TENM2: variants seen among roughly 807,000 people sequenced by gnomAD.
The protein encoded by TENM2 is teneurin-2.
TENM2 carries 52 observed loss-of-function variants against 245.2 expected under a neutral mutation model. The observed-to-expected ratio is 0.21, with a 90% CI of 0.17 to 0.27. The LOEUF (loss-of-function observed/expected upper bound fraction) is 0.27. Among genes scored for constraint, TENM2 ranks in the 10% least tolerant of loss-of-function variants. The pLI, the probability that TENM2 is intolerant of heterozygous loss-of-function variation, is 1.00. For synonymous variants in TENM2, 1,363 were observed against 1,438.9 expected (o/e 0.95, Z 1.19); for missense variants, 3,046 against 3,666.8 (o/e 0.83, Z 4.37).
rs3138740 is a variant in TENM2 at position 167,568,646 on chromosome 5, GGTGT to G, written c.502+193206_502+193209del. On this transcript the variant is annotated intron_variant, in intron 2 of 28. Transcript: ENST00000518659. Reference sequence around the variant, plus strand: ...TTGTGCACAGACAGGCAGAGACCATGGTGTGTGTGTGTGTGTGTGTGTGTGTGTG... The same window carrying G: ...TTGTGCACAGACAGGCAGAGACCATGGTGTGTGTGTGTGTGTGTGTGTGTG... 7.6e-3 allele frequency among the ~76,000 whole-genome samples: 1,084 copies of G among 142,610 alleles called. 5 individuals are homozygous for G. The highest frequency in any genetic ancestry group is 0.018 in the African/African-American group (709 of 38,942). 93.6% of individuals were successfully genotyped at this position (142,610 alleles called of 152,430 possible).
the TENM2 span, among the ~76,000 whole-genome samples, chr5:167,177,335 A>G: frequency 6.6e-6 from 1 of 152,170 alleles, no homozygotes; most frequent in South Asian, 2.1e-4. Context: ...ATTATATCCA[A>G]AACTTCCTCT....
chr5:167,188,325 A>AG, the TENM2 span, among the ~76,000 whole-genome samples: 2 of 152,204 alleles, frequency 1.3e-5, no homozygotes, highest in Admixed American at 1.3e-4. Context: ...GCTGCTGGAA[A>AG]GGGCTGCATG....
intron 2 of TENM2, among the ~76,000 whole-genome samples, chr5:167,585,230 G>A (rs1775404515): frequency 6.6e-6 from 1 of 152,106 alleles, no homozygotes; most frequent in Admixed American, 6.5e-5. Context: ...ATTTTAGTTG[G>A]AGGAAGATGT....
chr5:167,542,002 A>G (rs1368169172), intron 2 of TENM2, among the ~76,000 whole-genome samples: 1 of 152,140 alleles, frequency 6.6e-6, no homozygotes, highest in Admixed American at 6.6e-5. Flanking sequence ...ATTTTAGTCA[A>G]CGGTCACTCT....
At chr5:167,340,503 CAGAG>C (rs976178841) in intron 1 of TENM2, among the ~76,000 whole-genome samples, 5 of 152,220 alleles carry the variant, frequency 3.3e-5, no homozygotes, top group African/African-American at 9.6e-5. Flanking sequence ...CCTCAGATGA[CAGAG>C]AGAGGTTTGG....
intron 9 of TENM2, among the ~76,000 whole-genome samples, chr5:168,114,643 G>C (rs1035697088): frequency 1.5e-4 from 23 of 152,292 alleles, no homozygotes; most frequent in South Asian, 6.2e-4. Context: ...TCTGCCCCAT[G>C]GCAACTGGAT....
chr5:167,657,366 C>G (rs1406953620), intron 2 of TENM2, among the ~76,000 whole-genome samples: 1 of 152,162 alleles, frequency 6.6e-6, no homozygotes, highest in Admixed American at 6.5e-5. Flanking sequence ...ACCACATTTT[C>G]TTTATCCATT....
At chr5:168,119,186 G>T (rs970615823) in intron 10 of TENM2, among the ~76,000 whole-genome samples, 1 of 152,218 alleles carries the variant, frequency 6.6e-6, no homozygotes, top group Non-Finnish European at 1.5e-5. Context: ...CAGCAAGAGG[G>T]ACGGGATTTG....
intron 8 of TENM2, among the ~76,000 whole-genome samples, chr5:168,095,654 G>T (rs1793304919): frequency 6.6e-6 from 1 of 152,130 alleles, no homozygotes. Flanking sequence ...GACTATATCT[G>T]TCTTTGTCAC....
the TENM2 span, among the ~76,000 whole-genome samples, chr5:167,260,794 A>G: frequency 2.0e-5 from 3 of 152,206 alleles, no homozygotes; most frequent in Non-Finnish European, 4.4e-5. Flanking sequence ...TAAAGGCAAT[A>G]TTAGGATGTG....
the TENM2 span, among the ~76,000 whole-genome samples, chr5:167,004,178 A>G: frequency 1.2e-4 from 19 of 152,326 alleles, no homozygotes; most frequent in African/African-American, 4.3e-4. Flanking sequence ...TGTTGTATTC[A>G]AAGATGATTT....
chr5:167,208,050 G>C, the TENM2 span, among the ~76,000 whole-genome samples: 4 of 152,062 alleles, frequency 2.6e-5, no homozygotes, highest in African/African-American at 9.7e-5. Context: ...CACCACACCC[G>C]GCCTACTGAG....
chr5:167,935,870 G>A (rs575815645), intron 3 of TENM2, among the ~76,000 whole-genome samples: 38 of 151,998 alleles, frequency 2.5e-4, no homozygotes, highest in Non-Finnish European at 4.4e-4. Context: ...CTGTGCCATC[G>A]CATTAAACAA....
chr5:167,705,308 A>G (rs887936625), intron 2 of TENM2, among the ~76,000 whole-genome samples: 3 of 152,226 alleles, frequency 2.0e-5, no homozygotes, highest in African/African-American at 7.2e-5. Flanking sequence ...TGGATGAGCA[A>G]ATATTTAAGG....
intron 2 of TENM2, among the ~76,000 whole-genome samples, chr5:167,472,592 C>T (rs1244462745): frequency 4.6e-5 from 7 of 152,024 alleles, no homozygotes; most frequent in African/African-American, 1.2e-4. Context: ...TTAGAGTGAC[C>T]GGGAAAGAAA....
At chr5:167,393,879 A>G (rs1233125151) in intron 2 of TENM2, among the ~76,000 whole-genome samples, 1 of 152,168 alleles carries the variant, frequency 6.6e-6, no homozygotes, top group African/African-American at 2.4e-5. Flanking sequence ...TTGAAGGTAA[A>G]GGTAGGAGTA....
chr5:167,143,818 C>T, the TENM2 span, among the ~76,000 whole-genome samples: 1 of 152,156 alleles, frequency 6.6e-6, no homozygotes, highest in Non-Finnish European at 1.5e-5. Flanking sequence ...ATTATATCCA[C>T]ATATATATGC....
At chr5:167,505,749 A>C (rs1447847371) in intron 2 of TENM2, among the ~76,000 whole-genome samples, 1 of 152,206 alleles carries the variant, frequency 6.6e-6, no homozygotes, top group Non-Finnish European at 1.5e-5. Flanking sequence ...ACAGGCAGGC[A>C]TAAATTTAAA....
chr5:167,845,616 G>A (rs1404321975), intron 2 of TENM2, among the ~76,000 whole-genome samples: 1 of 152,034 alleles, frequency 6.6e-6, no homozygotes, highest in Non-Finnish European at 1.5e-5. Flanking sequence ...AATAGTGGGG[G>A]GAATATGTAC....
Sources: gnomAD v4.1 joint callset for allele counts (sites outside exome capture counted in the v4.1 genomes callset) on GRCh38, gnomAD v4.1.1 for gene constraint, MANE v1.5 for transcripts, NCBI Gene and HGNC (gene_info 2026-07-23, HGNC 2026-07-21) for gene names.